Variants in RAPH1 observed in about 807,000 individuals in gnomAD.
RAPH1 encodes Ras association (RalGDS/AF-6) and pleckstrin homology domains 1.
A neutral mutation model predicts 88.1 loss-of-function variants in RAPH1; 18 were observed. The ratio of observed to expected loss-of-function variants is 0.20; its 90% confidence interval spans 0.14 to 0.30. RAPH1 has a LOEUF of 0.30. Ranked by LOEUF, RAPH1 falls within the 10% of genes least tolerant of loss-of-function variation. RAPH1 has a pLI of 1.00. For missense variants in RAPH1, 1,448 were observed against 1,543.2 expected, an observed-to-expected ratio of 0.94 and a Z score of 1.03; for synonymous variants, 587 against 559.0, an observed-to-expected ratio of 1.05 and a Z score of -0.71.
chr2:203,448,179 G>A lies in RAPH1; in HGVS notation c.1513-100C>T, dbSNP rs998989363. ...ACATATTTCTGTTTACTGATTGATG[G>A]TCTGTATTAAAATTAATACCTATGA... On this transcript the variant is annotated intron_variant, in intron 11 of 13. Coordinates refer to ENST00000319170, the MANE Select transcript of RAPH1 (RefSeq NM_213589.3). The surrounding 1 kb of genome is among the most constrained non-coding windows in gnomAD (Gnocchi z 4.1). 1 of 1,156,070 alleles carries A rather than the reference G, an allele frequency of 8.6e-7. No individual in the cohort carries two copies. Among genetic ancestry groups the A allele is most frequent in the Non-Finnish European group, 1.2e-6 (1 of 812,744 alleles). The allele number at this position is 1,156,070 out of a possible 1,614,324, so 71.6% of individuals were successfully genotyped here. A position where few individuals can be genotyped will look rare whatever the true frequency, so the allele number is the denominator to read the frequency against.
At chr2:203,453,607 A>G (rs1320349968) in intron 10 of RAPH1, among the ~76,000 whole-genome samples, 2 of 151,188 alleles carry the variant, frequency 1.3e-5, no homozygotes, top group East Asian at 3.9e-4. Flanking sequence ...ACTTTATCAA[A>G]GCAATCAAAA....
intron 1 of RAPH1, among the ~76,000 whole-genome samples, chr2:203,532,237 T>A (rs576855742): frequency 6.6e-6 from 1 of 152,196 alleles, no homozygotes; most frequent in African/African-American, 2.4e-5. Flanking sequence ...TGTCACCCAG[T>A]GTGCATGATC....
At chr2:203,463,440 T>C (rs1280898144) in intron 4 of RAPH1, among the ~76,000 whole-genome samples, 1 of 152,222 alleles carries the variant, frequency 6.6e-6, no homozygotes, top group East Asian at 1.9e-4. Context: ...TTCTTATTTA[T>C]GAACTACTTT....
In RAPH1 at chr2:203,454,529, A is replaced by C; in HGVS notation, c.1314T>G (p.Asp438Glu). The C allele has an allele frequency of 6.2e-7, 1 of 1,612,476 alleles. No individual in the cohort carries two copies. The highest frequency in any genetic ancestry group is 8.5e-7 in the Non-Finnish European group (1 of 1,179,018). The change falls in exon 10 of 14, where the codon GAT becomes GAG. Residue 438 changes from aspartate (D) to glutamate (E), a missense_variant. By Grantham distance (45) the Asp-to-Glu change is conservative (BLOSUM62 2). Transcript: ENST00000319170. ...GATCCAGCTGGAGAAAGCACACCAGATCCCGAGAGACCTAAGATAAAAACA... is the reference window on the plus strand; with the variant it reads ...GATCCAGCTGGAGAAAGCACACCAGCTCCCGAGAGACCTAAGATAAAAACA... The part of the protein sequence containing the change: ...VPKGKAKVSR[D>E]LVCFLQLDHV...
chr2:203,524,913 G>A (rs1002886455), intron 1 of RAPH1, among the ~76,000 whole-genome samples: 1 of 152,102 alleles, frequency 6.6e-6, no homozygotes, highest in Admixed American at 6.5e-5. Context: ...CAACCTAAAA[G>A]ACTTCATAGC....
chr2:203,530,876 A>G, intron 1 of RAPH1, among the ~76,000 whole-genome samples: 1 of 151,414 alleles, frequency 6.6e-6, no homozygotes, highest in East Asian at 1.9e-4. Flanking sequence ...TGGGCAACAG[A>G]GTAAGACTCC....
intron 13 of RAPH1, chr2:203,443,392 C>T (rs891031925): frequency 6.6e-6 from 1 of 152,130 alleles, no homozygotes; most frequent in Non-Finnish European, 1.5e-5. Flanking sequence ...CAGGACACAT[C>T]CTTGCCTACA....
chr2:203,472,879 AATG>A (rs1404569042), intron 4 of RAPH1, among the ~76,000 whole-genome samples: 3 of 152,204 alleles, frequency 2.0e-5, no homozygotes, highest in Non-Finnish European at 2.9e-5. Context: ...AGTATGAGGC[AATG>A]ATATTTAATT....
Position 203,436,563 on chromosome 2 carries a change from G to C in RAPH1, c.*2874C>G, listed in dbSNP as rs536356878. 6.6e-6 allele frequency: 1 copy of C among 152,350 alleles called. No homozygotes were observed. Among genetic ancestry groups the C allele is most frequent in the South Asian group, 2.1e-4 (1 of 4,830 alleles). The allele number at this position is 152,350 out of a possible 1,614,324, so 9.4% of individuals were successfully genotyped here. On this transcript the variant is annotated 3_prime_UTR_variant, in exon 14 of 14. Transcript: ENST00000319170. The stretch of plus-strand genomic sequence containing the variant: ...TGATTCTACTTTGAAATTATCCATA[G>C]TAGAAATTAGGAGTGTCACTAATTA...
At position 203,440,176 on chromosome 2, in the gene RAPH1, G is replaced by A. The variant is rs750141301; in HGVS notation, c.3014C>T (p.Thr1005Ile). The change falls in exon 14 of 14, where the codon ACA becomes ATA. Residue 1005 changes from threonine (T) to isoleucine (I), a missense_variant. Thr to Ile is a moderately conservative substitution (Grantham distance 89). Around this residue, in one of 2 missense-constraint regions of RAPH1, gnomAD observed 935 missense variants for 890.1 expected, o/e 1.05. Transcript: ENST00000319170. The part of the protein sequence containing the change: ...PSVDSLVSKF[T>I]PPAESGSPSK... ...GGGAGACCCTGATTCTGCTGGCGGT[G>A]TAAACTTGCTGACTAGACTGTCCAC... The A allele has an allele frequency of 6.2e-7, 1 of 1,613,682 alleles. No homozygotes were observed. The highest frequency in any genetic ancestry group is 1.3e-5 in the African/African-American group (1 of 74,884).
intron 1 of RAPH1, among the ~76,000 whole-genome samples, chr2:203,526,706 CAAAAA>C (rs34932665): frequency 1.2e-5 from 1 of 80,638 alleles, no homozygotes. Context: ...AACTCTGTCT[CAAAAA>C]AAAAAAAAAA....
intron 1 of RAPH1, among the ~76,000 whole-genome samples, chr2:203,520,278 G>A (rs1689804809): frequency 6.6e-6 from 1 of 151,522 alleles, no homozygotes; most frequent in Non-Finnish European, 1.5e-5. Flanking sequence ...GCTGCAGTAA[G>A]CTGTGATCAT....
At chr2:203,488,166 C>G (rs1688058291) in intron 4 of RAPH1, among the ~76,000 whole-genome samples, 1 of 152,162 alleles carries the variant, frequency 6.6e-6, no homozygotes, top group Non-Finnish European at 1.5e-5. Flanking sequence ...CCAAACTCAG[C>G]TTTTGTTGAA....
intron 4 of RAPH1, among the ~76,000 whole-genome samples, chr2:203,465,968 C>T (rs1559465335): frequency 1.3e-5 from 2 of 152,080 alleles, no homozygotes; most frequent in Non-Finnish European, 2.9e-5. Flanking sequence ...ATTAGATTTC[C>T]TAACTGTCAA....
Position 203,441,096 on chromosome 2 carries a change from C to A in RAPH1, c.2094G>T (p.Lys698Asn). 6.2e-7 allele frequency: 1 copy of A among 1,604,546 alleles called. No individual in the cohort carries two copies. Among genetic ancestry groups the A allele is most frequent in the Non-Finnish European group, 8.5e-7 (1 of 1,174,470 alleles). The change falls in exon 14 of 14, where the codon AAG (lysine) becomes AAT (asparagine). Residue 698 changes from lysine (K) to asparagine (N), a missense_variant. By Grantham distance (94) the Lys-to-Asn change is moderately conservative (BLOSUM62 0). This residue lies in a region of RAPH1 where 935 missense variants were observed against 890.1 expected (regional missense o/e 1.05). Transcript: ENST00000319170. The stretch of plus-strand genomic sequence containing the variant: ...CATTGGGGGGTACCAGGATCTGAGG[C>A]TTCACTGACTGTGACTGCATCACTG... ...TPPVMQSQSV[K>N]PQILVPPNGV...
intron 1 of RAPH1, among the ~76,000 whole-genome samples, chr2:203,506,270 G>C (rs1688990155): frequency 6.6e-6 from 1 of 152,190 alleles, no homozygotes; most frequent in Non-Finnish European, 1.5e-5. Context: ...ACAGAGATGT[G>C]TGTATTATGT....
At chr2:203,480,671 A>G (rs1687682486) in intron 4 of RAPH1, among the ~76,000 whole-genome samples, 1 of 152,268 alleles carries the variant, frequency 6.6e-6, no homozygotes. Flanking sequence ...TCCTTGTGAT[A>G]GCTAACACTT....
At chr2:203,528,760 T>C (rs1367271066) in intron 1 of RAPH1, among the ~76,000 whole-genome samples, 1 of 151,920 alleles carries the variant, frequency 6.6e-6, no homozygotes, top group Non-Finnish European at 1.5e-5. Flanking sequence ...CATTACTGCT[T>C]ATTAAGTACA....
intron 4 of RAPH1, among the ~76,000 whole-genome samples, chr2:203,469,194 A>G (rs2098531072): frequency 1.3e-5 from 2 of 152,202 alleles, no homozygotes; most frequent in Non-Finnish European, 2.9e-5. Flanking sequence ...CTCTAGGGAA[A>G]GAGTAAATAG....
Sources: allele counts gnomAD v4.1 joint callset (sites outside exome capture counted in the v4.1 genomes callset), GRCh38; gene constraint gnomAD v4.1.1; regional missense constraint gnomAD v4.1.1; non-coding constraint Gnocchi (gnomAD v3.1); transcripts MANE v1.5; gene names NCBI Gene and HGNC (gene_info 2026-07-23, HGNC 2026-07-21).